Variants in CCM2 observed in about 807,000 individuals in gnomAD.
The protein encoded by CCM2 is CCM2 scaffold protein, also known as cerebral cavernous malformations 2 protein.
CCM2 carries 25 observed loss-of-function variants against 44.9 expected under a neutral mutation model. The ratio of observed to expected loss-of-function variants is 0.56; its 90% CI spans 0.41 to 0.78. The LOEUF is 0.78. CCM2 is among the 30% of genes least tolerant of loss of function. CCM2 has a pLI of 0.00. For synonymous variants in CCM2, 219 were observed against 241.1 expected, an observed-to-expected ratio of 0.91 and a Z score of 0.85; for missense variants, 481 against 580.6, an observed-to-expected ratio of 0.83 and a Z score of 1.76.
chr7:45,022,118 G>C (rs1796503811), intron 1 of CCM2, among the ~76,000 whole-genome samples: 1 of 152,078 alleles, frequency 6.6e-6, no homozygotes, highest in African/African-American at 2.4e-5. Context: ...AAGTAGTGTG[G>C]TTACAGTAAG....
intron 2 of CCM2, among the ~76,000 whole-genome samples, chr7:45,061,064 A>G (rs1798496256): frequency 6.6e-6 from 1 of 152,056 alleles, no homozygotes; most frequent in Non-Finnish European, 1.5e-5. Flanking sequence ...TCTCCTGTGT[A>G]TCCTTGTTTT....
chr7:45,045,380 G>A (rs17172295), intron 2 of CCM2, among the ~76,000 whole-genome samples: 22,583 of 106,344 alleles, frequency 0.21, 2,339 homozygotes, highest in Non-Finnish European at 0.25. Context: ...AAAAATCACC[G>A]CTTAAAAAAA....
chr7:45,048,695 G>A (rs1273955774), intron 2 of CCM2, among the ~76,000 whole-genome samples: 1 of 151,918 alleles, frequency 6.6e-6, no homozygotes, highest in African/African-American at 2.4e-5. Flanking sequence ...CCCAGGAGGT[G>A]AAGGTTGCAG....
At position 45,015,357 on chromosome 7, in the gene CCM2, A is replaced by G. The variant is rs372575944; in HGVS notation, c.30+14994A>G. Among the ~76,000 whole-genome samples, 9 of 152,140 alleles carry G rather than the reference A, an allele frequency of 5.9e-5. No individual in the cohort carries two copies. In the East Asian group the frequency reaches 1.7e-3, roughly 29 times the overall value. On this transcript the variant is annotated intron_variant, in intron 1 of 9. Coordinates refer to ENST00000258781, the MANE Select transcript of CCM2 (RefSeq NM_031443.4). Reference sequence around the variant, plus strand: ...ATAGGTTAACACTCCTAGCTGTGCTAGGCAAACTCAGCTGAAGACATGCTG... The same window carrying G: ...ATAGGTTAACACTCCTAGCTGTGCTGGGCAAACTCAGCTGAAGACATGCTG...
At chr7:45,032,263 G>T (rs778073948) in intron 1 of CCM2, among the ~76,000 whole-genome samples, 5 of 152,172 alleles carry the variant, frequency 3.3e-5, no homozygotes, top group Non-Finnish European at 5.9e-5. Flanking sequence ...CCAGAGAGAC[G>T]CCTGCCTCCA....
Position 45,069,926 on chromosome 7 carries a change from C to T in CCM2, c.710C>T (p.Ala237Val). 1.2e-6 allele frequency: 2 copies of T among 1,614,116 alleles called. No individual in the cohort carries two copies. The highest frequency in any genetic ancestry group is 1.7e-6 in the Non-Finnish European group (2 of 1,180,026). Residue 237 changes from alanine to valine, a missense_variant, in exon 6 of 10, where the codon GCC (alanine) becomes GTC (valine). Ala to Val is a moderately conservative substitution (Grantham distance 64). Transcript: ENST00000258781. ...DFLDRAIFDG[A>V]STPTHHLSLH... ...CTGGACAGAGCGATATTTGATGGGG[C>T]CTCTACCCCGACCCACCACCTGTCC... is the stretch of plus-strand genomic sequence containing the variant.
At chr7:45,003,429 C>T (rs1339599899) in intron 1 of CCM2, among the ~76,000 whole-genome samples, 1 of 152,078 alleles carries the variant, frequency 6.6e-6, no homozygotes, top group East Asian at 1.9e-4. Context: ...GATTTTTATA[C>T]TCAGATCACA....
In CCM2 at chr7:45,022,063, C is replaced by T. The variant is rs184193007; in HGVS notation, c.31-16190C>T. On this transcript the variant is annotated intron_variant, in intron 1 of 9. Transcript: ENST00000258781. ...CCTAGAAGCAATGACAGTCCAATAGCAGTGGAGCACACCTAGGACTTTATT... is the reference window on the plus strand; with the variant it reads ...CCTAGAAGCAATGACAGTCCAATAGTAGTGGAGCACACCTAGGACTTTATT... Among the ~76,000 whole-genome samples, 101 of 152,228 alleles carry T rather than the reference C, an allele frequency of 6.6e-4. 1 individual carries two copies. Among genetic ancestry groups the T allele is most frequent in the African/African-American group, 2.2e-3 (93 of 41,538 alleles).
Position 45,038,418 on chromosome 7 carries a change from G to A in CCM2, c.196G>A (p.Glu66Lys). The part of the protein sequence containing the change: ...DRLLSDYIEK[E>K]VKYLGQLTSI... ...ACTGCTGAGCGACTATATTGAGAAG[G>A]AGGTAAAGGTAAGTCGTCATGGGCC... is the stretch of plus-strand genomic sequence containing the variant. Residue 66 changes from glutamate to lysine, a missense_variant, in exon 2 of 10, where the codon GAG becomes AAG. Transcript: ENST00000258781. The A allele has an allele frequency of 6.2e-7, 1 of 1,614,052 alleles. No individual in the cohort carries two copies. Among genetic ancestry groups the A allele is most frequent in the African/African-American group, 1.3e-5 (1 of 75,052 alleles).
chr7:45,005,912 AG>A (rs1196981681), intron 1 of CCM2, among the ~76,000 whole-genome samples: 1 of 152,188 alleles, frequency 6.6e-6, no homozygotes, highest in East Asian at 1.9e-4. Context: ...TGGGCTGGGA[AG>A]TTGGGTGTTG....
At chr7:45,007,596 G>A (rs1453656117) in intron 1 of CCM2, among the ~76,000 whole-genome samples, 1 of 151,780 alleles carries the variant, frequency 6.6e-6, no homozygotes, top group Non-Finnish European at 1.5e-5. Flanking sequence ...TTTTTTGCTT[G>A]GATTATGTTA....
intron 4 of CCM2, among the ~76,000 whole-genome samples, chr7:45,066,800 A>G (rs1457639658): frequency 6.6e-6 from 1 of 152,214 alleles, no homozygotes; most frequent in Admixed American, 6.5e-5. Flanking sequence ...GAACTACCAC[A>G]GGCACACACC....
intron 2 of CCM2, among the ~76,000 whole-genome samples, chr7:45,053,955 A>G (rs1182461970): frequency 6.6e-6 from 1 of 152,172 alleles, no homozygotes; most frequent in Non-Finnish European, 1.5e-5. Flanking sequence ...CTGAACTTTG[A>G]AGAGCCTGCC....
At chr7:45,003,756 C>T (rs565676817) in intron 1 of CCM2, among the ~76,000 whole-genome samples, 211 of 151,202 alleles carry the variant, frequency 1.4e-3, no homozygotes, top group African/African-American at 5.0e-3. Flanking sequence ...ATCTTGTGGC[C>T]TTAACCTTGT....
At chr7:45,066,699 C>T (rs1338292654) in intron 4 of CCM2, among the ~76,000 whole-genome samples, 1 of 152,046 alleles carries the variant, frequency 6.6e-6, no homozygotes, top group African/African-American at 2.4e-5. Flanking sequence ...GCAGGGTCAC[C>T]CGTGCACCCG....
chr7:45,054,261 G>T (rs1022744770), intron 2 of CCM2, among the ~76,000 whole-genome samples: 1 of 152,098 alleles, frequency 6.6e-6, no homozygotes, highest in Non-Finnish European at 1.5e-5. Context: ...CAAGGAGTGT[G>T]TGGGGGGCTT....
At chr7:45,015,375 A>G (rs1796224651) in intron 1 of CCM2, among the ~76,000 whole-genome samples, 2 of 152,164 alleles carry the variant, frequency 1.3e-5, no homozygotes, top group Non-Finnish European at 2.9e-5. Context: ...TCAGCTGAAG[A>G]CATGCTGCTG....
At chr7:45,016,619 G>A (rs1455321783) in intron 1 of CCM2, among the ~76,000 whole-genome samples, 1 of 147,428 alleles carries the variant, frequency 6.8e-6, no homozygotes, top group Non-Finnish European at 1.5e-5. Context: ...ATGAGCCACT[G>A]TGCCTGGCCC....
In CCM2 at chr7:45,073,515, A is replaced by T. The variant is rs1799189228; in HGVS notation, c.859A>T (p.Ser287Cys). 1 of 1,613,332 alleles carries T rather than the reference A, an allele frequency of 6.2e-7. No individual in the cohort carries two copies. The highest frequency in any genetic ancestry group is 1.1e-5 in the South Asian group (1 of 91,076). ...GGASPHSKTI[S>C]ESELSASATE... is the part of the protein sequence containing the mutation. ...TGCATCACCCCACAGCAAGACCATC[A>T]GTGAGAGCGAGCTGAGCGCCAGCGC... The change falls in exon 8 of 10, where the codon AGT (serine) becomes TGT (cysteine). Residue 287 changes from serine (S) to cysteine (C), a missense_variant. By Grantham distance (112) the Ser-to-Cys change is moderately radical (BLOSUM62 -1). Transcript: ENST00000258781.
Sources: allele counts gnomAD v4.1 joint callset (sites outside exome capture counted in the v4.1 genomes callset), GRCh38; gene constraint gnomAD v4.1.1; transcripts MANE v1.5; gene names NCBI Gene and HGNC (gene_info 2026-07-23, HGNC 2026-07-21).